Variants in KANSL1 observed in about 807,000 individuals in gnomAD.
KANSL1 encodes MLL1/MLL complex subunit KANSL1.
A neutral mutation model predicts 103.6 loss-of-function variants in KANSL1; 22 were observed. The observed-to-expected ratio is 0.21, with a 90% CI of 0.15 to 0.30. The LOEUF (loss-of-function observed/expected upper bound fraction) is 0.30. KANSL1 is among the 10% of genes least tolerant of loss of function. The pLI, the probability that KANSL1 is intolerant of heterozygous loss-of-function variation, is 1.00. For synonymous variants in KANSL1, 600 were observed against 527.6 expected (o/e 1.14, Z -1.88); for missense variants, 1,337 against 1,399.8 (o/e 0.96, Z 0.72).
rs2240758 is a variant in KANSL1, at chr17:46,171,133, G to A, written c.1011C>T (p.Ser337=). 2 of 1,613,550 alleles carry A rather than the reference G, an allele frequency of 1.2e-6. No homozygotes were observed. Among genetic ancestry groups the A allele is most frequent in the Non-Finnish European group, 1.7e-6 (2 of 1,179,764 alleles). Residue 337 remains serine (S), a synonymous_variant, in exon 2 of 15, where the codon TCC becomes TCT. Coordinates refer to ENST00000432791, the MANE Select transcript of KANSL1 (RefSeq NM_015443.4). The part of the protein sequence containing the change: ...KTLSKLPNLE[S]LRPRSQLMLT... ...GCATCAACTGGCTCCGTGGTCTCAAGGATTCCAAGTTTGGCAGTTTGCTCA... is the reference window on the plus strand; with the variant it reads ...GCATCAACTGGCTCCGTGGTCTCAAAGATTCCAAGTTTGGCAGTTTGCTCA...
intron 4 of KANSL1, among the ~76,000 whole-genome samples, chr17:46,078,685 T>C (rs1264160929): frequency 6.6e-6 from 1 of 152,246 alleles, no homozygotes; most frequent in East Asian, 1.9e-4. Context: ...GTTGAGTAAT[T>C]TACCTAGTAA....
chr17:46,170,796 T>C, intron 2 of KANSL1, 59 bp downstream of exon 2: 1 of 1,480,024 alleles, frequency 6.8e-7, no homozygotes, highest in South Asian at 1.3e-5. Context: ...TGGCGATTCA[T>C]TCATTCTTCC....
At position 46,149,130 on chromosome 17, in the gene KANSL1, G is replaced by C. The variant is rs373796478; in HGVS notation, c.1289+21725C>G. Among the ~76,000 whole-genome samples, 306 of 151,858 alleles carry C rather than the reference G, an allele frequency of 2.0e-3. 1 individual carries two copies. Among genetic ancestry groups the C allele is most frequent in the African/African-American group, 7.2e-3 (299 of 41,368 alleles). Reference sequence around the variant, plus strand: ...CCATTCTCCTGCCTCAGCCTCCCAAGTAGCTGGGACTACAGGCGCCCACCA... The same window carrying C: ...CCATTCTCCTGCCTCAGCCTCCCAACTAGCTGGGACTACAGGCGCCCACCA... On this transcript the variant is annotated intron_variant, in intron 2 of 14. Transcript: ENST00000432791.
intron 1 of KANSL1, among the ~76,000 whole-genome samples, chr17:46,177,433 T>G (rs1388099924): frequency 6.6e-6 from 1 of 152,214 alleles, no homozygotes; most frequent in African/African-American, 2.4e-5. Flanking sequence ...ATGATGTTGT[T>G]TATAATAAAA....
intron 2 of KANSL1, among the ~76,000 whole-genome samples, chr17:46,166,488 G>A (rs1316232658): frequency 1.3e-5 from 2 of 151,808 alleles, no homozygotes; most frequent in Admixed American, 1.3e-4. Context: ...CTCCAGCCTG[G>A]GCAACAAGAG....
At chr17:46,099,886 A>C (rs187565221) in intron 2 of KANSL1, among the ~76,000 whole-genome samples, 1 of 152,378 alleles carries the variant, frequency 6.6e-6, no homozygotes, top group Non-Finnish European at 1.5e-5. Flanking sequence ...ACAAAAATTC[A>C]TTAAAATGTT....
At chr17:46,158,727 G>A (rs575305134) in intron 2 of KANSL1, among the ~76,000 whole-genome samples, 1 of 152,092 alleles carries the variant, frequency 6.6e-6, no homozygotes, top group Non-Finnish European at 1.5e-5. Flanking sequence ...TTTTAGTAGA[G>A]ACGAGGTTTC....
intron 2 of KANSL1, among the ~76,000 whole-genome samples, chr17:46,168,351 ATT>A (rs539921890): frequency 2.7e-5 from 4 of 146,414 alleles, no homozygotes; most frequent in African/African-American, 7.6e-5. Flanking sequence ...TTTAAATACA[ATT>A]TTTTTTTTTT....
intron 1 of KANSL1, among the ~76,000 whole-genome samples, chr17:46,210,837 C>A (rs1205565117): frequency 1.3e-5 from 2 of 152,124 alleles, no homozygotes; most frequent in Non-Finnish European, 2.9e-5. Flanking sequence ...TTAGAGAATG[C>A]TTTGGCAAGT....
chr17:46,132,335 C>T lies in KANSL1; in HGVS notation c.1290-37634G>A, dbSNP rs147758058. On this transcript the variant is annotated intron_variant, in intron 2 of 14. Coordinates refer to ENST00000432791, the MANE Select transcript of KANSL1 (RefSeq NM_015443.4). Reference sequence around the variant, plus strand: ...ACCAAATGAGATAGTGTATATAATGCGCTTTGCACAATGCCTGGCACATAG... The same window carrying T: ...ACCAAATGAGATAGTGTATATAATGTGCTTTGCACAATGCCTGGCACATAG... 6.7e-4 allele frequency among the ~76,000 whole-genome samples: 102 copies of T among 152,268 alleles called. No homozygotes were observed. The South Asian group carries it at 0.014, about 21-fold the overall frequency.
chr17:46,095,233 C>T (rs1168396520), intron 2 of KANSL1, among the ~76,000 whole-genome samples: 1 of 152,124 alleles, frequency 6.6e-6, no homozygotes, highest in East Asian at 1.9e-4. Flanking sequence ...TGGTAGGACA[C>T]ATTTTTTTAG....
intron 2 of KANSL1, among the ~76,000 whole-genome samples, chr17:46,130,386 G>A (rs2043805469): frequency 6.6e-6 from 1 of 152,070 alleles, no homozygotes; most frequent in Non-Finnish European, 1.5e-5. Context: ...TTAAAGTAGA[G>A]GATTTAAATA....
At chr17:46,183,854 A>C (rs141754445) in intron 1 of KANSL1, among the ~76,000 whole-genome samples, 4 of 152,330 alleles carry the variant, frequency 2.6e-5, no homozygotes, top group Non-Finnish European at 5.9e-5. Flanking sequence ...CAGCGGCTGC[A>C]GTGAGCTGAG....
chr17:46,130,265 T>C (rs1339205064), intron 2 of KANSL1, among the ~76,000 whole-genome samples: 1 of 150,796 alleles, frequency 6.6e-6, no homozygotes, highest in Non-Finnish European at 1.5e-5. Flanking sequence ...ACCAGATAAA[T>C]TAAATCAAAA....
At position 46,171,016 on chromosome 17, in the gene KANSL1, A is replaced by T. The variant is rs148054472; in HGVS notation, c.1128T>A (p.Ile376=). 8.7e-6 allele frequency: 14 copies of T among 1,614,074 alleles called. No homozygotes were observed. The African/African-American group carries it at 1.9e-4, about 22-fold the overall frequency. ...GLSNFLKSNS[I]SEELERFTAS... ...CTGTAAATCTCTCCAATTCTTCTGA[A>T]ATTGAATTGCTTTTCAGAAAGTTGC... The change falls in exon 2 of 15, where the codon ATT becomes ATA. Residue 376 remains isoleucine (I), a synonymous_variant. Coordinates refer to ENST00000432791, the MANE Select transcript of KANSL1 (RefSeq NM_015443.4).
At chr17:46,079,327 G>A (rs2078901446) in intron 4 of KANSL1, among the ~76,000 whole-genome samples, 1 of 152,192 alleles carries the variant, frequency 6.6e-6, no homozygotes, top group South Asian at 2.1e-4. Flanking sequence ...AAAGCAAAAA[G>A]ACTATGTATC....
At chr17:46,189,259 C>A (rs2147898183) in intron 1 of KANSL1, among the ~76,000 whole-genome samples, 1 of 152,046 alleles carries the variant, frequency 6.6e-6, no homozygotes, top group Non-Finnish European at 1.5e-5. Flanking sequence ...ATCTCTAAAC[C>A]ACTCAATAAG....
At chr17:46,132,213 C>T (rs925714067) in intron 2 of KANSL1, among the ~76,000 whole-genome samples, 2 of 152,124 alleles carry the variant, frequency 1.3e-5, no homozygotes, top group African/African-American at 2.4e-5. Flanking sequence ...AGAGAAAGGT[C>T]AGGGCAGTTT....
intron 2 of KANSL1, among the ~76,000 whole-genome samples, chr17:46,098,066 T>A (rs2042157730): frequency 6.7e-6 from 1 of 149,796 alleles, no homozygotes; most frequent in African/African-American, 2.6e-5. Context: ...AGTACAGTTA[T>A]CTGCTTCAAT....
Sources: allele counts gnomAD v4.1 joint callset (sites outside exome capture counted in the v4.1 genomes callset), GRCh38; gene constraint gnomAD v4.1.1; transcripts MANE v1.5; gene names NCBI Gene and HGNC (gene_info 2026-07-23, HGNC 2026-07-21).